The following PDXDC1 variants were observed in gnomAD, a reference collection of about 807,000 sequenced individuals.
PDXDC1 encodes pyridoxal-dependent decarboxylase domain-containing protein 1.
Under a neutral mutation model 100.1 loss-of-function variants are expected in PDXDC1, and 42 were observed. That is an observed-to-expected ratio of 0.42 (90% CI 0.33 to 0.54). The LOEUF is 0.54. Ranked by LOEUF, PDXDC1 falls within the 20% of genes least tolerant of loss-of-function variation. The pLI is 0.10. For missense variants in PDXDC1, 636 were observed against 979.2 expected (o/e 0.65, Z 4.68); for synonymous variants, 260 against 371.7 (o/e 0.70, Z 3.46).
chr16:15,053,335 G>A (rs1004764736), intron 16 of PDXDC1, among the ~76,000 whole-genome samples: 1 of 152,150 alleles, frequency 6.6e-6, no homozygotes, highest in South Asian at 2.1e-4. Context: ...GTGGTGCTTG[G>A]CAGCTTCCAC....
intron 16 of PDXDC1, among the ~76,000 whole-genome samples, chr16:15,050,160 CTTAT>C (rs2044241324): frequency 6.6e-6 from 1 of 152,188 alleles, no homozygotes; most frequent in Non-Finnish European, 1.5e-5. Flanking sequence ...TTTGTACACA[CTTAT>C]TTAGTAAGCT....
chr16:14,998,457 GT>G (rs767350797), intron 3 of PDXDC1, 52 bp downstream of exon 3: 1 of 1,582,040 alleles, frequency 6.3e-7, no homozygotes, highest in African/African-American at 1.4e-5. Flanking sequence ...ATTTTTGTTT[GT>G]TTCTGAGATG....
intron 21 of PDXDC1, 26 bp downstream of exon 21, chr16:15,034,579 G>A (rs1260273530): frequency 1.3e-6 from 2 of 1,560,852 alleles, no homozygotes; most frequent in African/African-American, 1.4e-5. Context: ...CTCTTCCCAG[G>A]TCTTGCTGAC....
At chr16:15,042,569 G>A (rs999478685), downstream of PDXDC1, among the ~76,000 whole-genome samples, 2 of 151,948 alleles carry the variant, frequency 1.3e-5, no homozygotes, top group Non-Finnish European at 2.9e-5. Context: ...ATTTTTTAGC[G>A]ACTACATAAT....
At chr16:15,024,561 T>C (rs2042444561) in intron 13 of PDXDC1, among the ~76,000 whole-genome samples, 1 of 152,218 alleles carries the variant, frequency 6.6e-6, no homozygotes, top group Non-Finnish European at 1.5e-5. Context: ...TACAGGCGCA[T>C]GCCACCATGT....
chr16:15,124,851 T>C (rs1421202521), intron 16 of PDXDC1, among the ~76,000 whole-genome samples: 3 of 149,100 alleles, frequency 2.0e-5, no homozygotes, highest in African/African-American at 7.4e-5. Context: ...TGCAGCCATG[T>C]TCCAGCCCTA....
chr16:15,048,412 G>A (rs1456869958), intron 16 of PDXDC1, among the ~76,000 whole-genome samples: 1 of 152,046 alleles, frequency 6.6e-6, no homozygotes, highest in African/African-American at 2.4e-5. Flanking sequence ...AAGACACAGG[G>A]CCTCACTATG....
intron 11 of PDXDC1, among the ~76,000 whole-genome samples, chr16:15,018,014 G>A (rs1419733815): frequency 3.3e-5 from 5 of 152,070 alleles, no homozygotes; most frequent in Admixed American, 6.6e-5. Context: ...TGTTGAACTC[G>A]CGATCTCAGG....
At position 14,983,787 on chromosome 16, in the gene PDXDC1, T is replaced by A. The variant is rs11861244; in HGVS notation, c.21+8567T>A. Among the ~76,000 whole-genome samples, 5 of 152,022 alleles carry A rather than the reference T, an allele frequency of 3.3e-5. No individual in the cohort carries two copies. In the South Asian group the frequency reaches 8.3e-4, roughly 25 times the overall value. On this transcript the variant is annotated intron_variant, in intron 1 of 22. Coordinates refer to ENST00000396410, the MANE Select transcript of PDXDC1 (RefSeq NM_015027.4). Reference sequence around the variant, plus strand: ...TATGAAAAATTGAGGAACCGTTTACTTACAACAAATAGACCCATTTTAATT... The same window carrying A: ...TATGAAAAATTGAGGAACCGTTTACATACAACAAATAGACCCATTTTAATT...
In PDXDC1 at chr16:14,989,010, C is replaced by T. The variant is rs1414699709; in HGVS notation, c.22-8743C>T. 64 of 1,614,098 alleles carry T rather than the reference C, an allele frequency of 4.0e-5. No homozygotes were observed. The African/African-American group carries it at 8.0e-4, about 20-fold the overall frequency. ...CGTCGACTCCATCTGGTCTCGCTCC[C>T]TGTGGCTCAGGGAGGGGCTGAGCAG... On this transcript the variant is annotated intron_variant, in intron 1 of 22. Coordinates refer to ENST00000396410, the MANE Select transcript of PDXDC1 (RefSeq NM_015027.4).
chr16:15,098,638 G>A (rs2046438316), intron 16 of PDXDC1, among the ~76,000 whole-genome samples: 2 of 151,990 alleles, frequency 1.3e-5, no homozygotes, highest in South Asian at 4.1e-4. Context: ...CAGCACTTTT[G>A]GAGGCCAAGG....
chr16:15,029,276 C>CGG (rs2042875751), intron 15 of PDXDC1: 1 of 576,738 alleles, frequency 1.7e-6, no homozygotes, highest in South Asian at 2.3e-5. Context: ...GCAGCACAGC[C>CGG]GGGAGCCCCA....
intron 16 of PDXDC1, among the ~76,000 whole-genome samples, chr16:15,100,585 C>G (rs952227367): frequency 6.6e-6 from 1 of 152,132 alleles, no homozygotes; most frequent in African/African-American, 2.4e-5. Flanking sequence ...CAGTAGATGA[C>G]AGTAGCACTC....
chr16:14,995,680 C>G (rs1237049655), intron 1 of PDXDC1, among the ~76,000 whole-genome samples: 2 of 152,280 alleles, frequency 1.3e-5, no homozygotes, highest in African/African-American at 4.8e-5. Context: ...AGGATTTCCT[C>G]TTTTTCTATT....
At chr16:15,051,770 A>G (rs1193361041) in intron 16 of PDXDC1, among the ~76,000 whole-genome samples, 1 of 139,238 alleles carries the variant, frequency 7.2e-6, no homozygotes, top group Non-Finnish European at 1.5e-5. Context: ...GCCAGATCAT[A>G]GCTCACTGCA....
intron 16 of PDXDC1, chr16:15,060,898 G>A (rs1220245435): frequency 6.6e-6 from 1 of 152,220 alleles, no homozygotes; most frequent in Non-Finnish European, 1.5e-5. Flanking sequence ...TGGCCACCAA[G>A]GAGCAGTTCT....
intron 16 of PDXDC1, chr16:15,094,540 G>C (rs1214855536): frequency 3.2e-5 from 15 of 470,942 alleles, no homozygotes; most frequent in Non-Finnish European, 5.6e-5. Context: ...GCTGTGGCCG[G>C]GTACACTCAA....
intron 16 of PDXDC1, chr16:15,044,762 T>C: frequency 4.2e-6 from 1 of 239,494 alleles, no homozygotes; most frequent in Non-Finnish European, 8.1e-6. Flanking sequence ...GGTGGGCGGA[T>C]CACTTGAGGT....
At chr16:15,079,291 C>A (rs1016629635) in intron 16 of PDXDC1, among the ~76,000 whole-genome samples, 6 of 152,170 alleles carry the variant, frequency 3.9e-5, no homozygotes, top group Non-Finnish European at 7.4e-5. Flanking sequence ...TCCCACTGCA[C>A]CTTAGTGCGG....
Sources: allele counts gnomAD v4.1 joint callset (sites outside exome capture counted in the v4.1 genomes callset), GRCh38; gene constraint gnomAD v4.1.1; transcripts MANE v1.5; gene names NCBI Gene and HGNC (gene_info 2026-07-23, HGNC 2026-07-21).